MIGA2: variants seen among roughly 807,000 people sequenced by gnomAD.
MIGA2 encodes family with sequence similarity 73, member B.
MIGA2 carries 36 observed loss-of-function variants against 69.9 expected under a neutral mutation model. The observed-to-expected ratio is 0.52, with a 90% CI of 0.39 to 0.68. The LOEUF is 0.68. Among genes scored for constraint, MIGA2 ranks in the 30% least tolerant of loss-of-function variants. The pLI is 0.00. For missense variants in MIGA2, 660 were observed against 787.7 expected (o/e 0.84, Z 1.94); for synonymous variants, 333 against 349.2 (o/e 0.95, Z 0.52).
Position 129,040,560 on chromosome 9 carries a change from G to GC in MIGA2, c.-32dup, listed in dbSNP as rs1564598450. ...AAGACGTTCTCCTTGGAAGCTCTTG[G>GC]CCCTGAGGACTTTGCCTGGGGCATT... is the stretch of plus-strand genomic sequence containing the variant. On this transcript the variant is annotated 5_prime_UTR_variant, in exon 2 of 16. It removes the in-frame stop codon of an upstream open reading frame in the 5' UTR. Transcript: ENST00000684074. 6.3e-7 allele frequency: 1 copy of GC among 1,597,978 alleles called. No homozygotes were observed. The highest frequency in any genetic ancestry group is 8.6e-7 in the Non-Finnish European group (1 of 1,169,112).
chr9:129,055,041 G>A (rs976356178), intron 6 of MIGA2, among the ~76,000 whole-genome samples: 9 of 149,654 alleles, frequency 6.0e-5, no homozygotes, highest in Admixed American at 1.3e-4. Flanking sequence ...ACAGGCGCAC[G>A]TCACCACGCC....
chr9:129,068,280 C>T lies in MIGA2; in HGVS notation c.1352C>T (p.Ser451Leu), dbSNP rs774140804. The change falls in exon 13 of 16, where the codon TCG becomes TTG. Residue 451 changes from serine to leucine, a missense_variant. By Grantham distance (145) the Ser-to-Leu change is moderately radical. Coordinates refer to ENST00000684074, the MANE Select transcript of MIGA2 (RefSeq NM_001329990.2). The surrounding 1 kb of genome is among the most constrained non-coding windows in gnomAD (Gnocchi z 4.1). ...AFEDLENPPA[S>L]VLAVLRNRWL... ...GAGGACCTGGAGAACCCTCCGGCCT[C>T]GGTGCTCGCCGTCCTGCGGAACCGC... 5.6e-6 allele frequency: 9 copies of T among 1,612,136 alleles called. No homozygotes were observed. Among genetic ancestry groups the T allele is most frequent in the Non-Finnish European group, 7.6e-6 (9 of 1,179,698 alleles).
Position 129,040,532 on chromosome 9 carries a change from T to C in MIGA2, c.-63T>C. 1.9e-6 allele frequency: 3 copies of C among 1,556,170 alleles called. No homozygotes were observed. In the South Asian group the frequency reaches 3.6e-5, roughly 19 times the overall value. On this transcript the variant is annotated 5_prime_UTR_variant, in exon 2 of 16. Coordinates refer to ENST00000684074, the MANE Select transcript of MIGA2 (RefSeq NM_001329990.2). Reference sequence around the variant, plus strand: ...TGCCTGGGACCCAGCTGGCAACCAGTTGAAGACGTTCTCCTTGGAAGCTCT... The same window carrying C: ...TGCCTGGGACCCAGCTGGCAACCAGCTGAAGACGTTCTCCTTGGAAGCTCT...
chr9:129,062,039 CTT>C (rs530280541), intron 9 of MIGA2, among the ~76,000 whole-genome samples: 7 of 130,120 alleles, frequency 5.4e-5, no homozygotes, highest in South Asian at 2.5e-4. Flanking sequence ...GAGAACTTGA[CTT>C]TTTTTTTTTT....
chr9:129,063,517 T>C (rs1005169458), intron 10 of MIGA2, 28 bp from the exon 11 acceptor site: 5 of 1,612,592 alleles, frequency 3.1e-6, no homozygotes, highest in Middle Eastern at 1.7e-4. Context: ...GCCCGGCAGC[T>C]CACTCCCCTC....
In MIGA2 at chr9:129,059,953, A is replaced by T. The variant is rs3814495; in HGVS notation, c.794-597A>T. Among the ~76,000 whole-genome samples the T allele has an allele frequency of 4.6e-4, 70 of 152,128 alleles. 1 individual carries two copies. The East Asian group carries it at 0.011, about 24-fold the overall frequency. On this transcript the variant is annotated intron_variant, in intron 7 of 15. Coordinates refer to ENST00000684074, the MANE Select transcript of MIGA2 (RefSeq NM_001329990.2). The surrounding 1 kb of genome is among the most constrained non-coding windows in gnomAD (Gnocchi z 5.6). ...CTGGGTGTGGTTTCTCTGTTGGAGG[A>T]ATCTGCCTCCTCTGGCCTCCCTACA...
At chr9:129,063,749 C>A (rs573075362) in intron 11 of MIGA2, 118 bp downstream of exon 11, 13 of 913,098 alleles carry the variant, frequency 1.4e-5, no homozygotes, top group Non-Finnish European at 2.0e-5. Flanking sequence ...CCTCCTACTC[C>A]GTTCTGTAGA....
chr9:129,060,576 G>C lies in MIGA2; in HGVS notation c.820G>C (p.Glu274Gln), dbSNP rs1025159056. The C allele has an allele frequency of 1.2e-6, 2 of 1,604,478 alleles. No homozygotes were observed. The highest frequency in any genetic ancestry group is 2.7e-5 in the African/African-American group (2 of 74,774). The change falls in exon 8 of 16, where the codon GAG becomes CAG. Residue 274 changes from glutamate (E) to glutamine (Q), a missense_variant. Physicochemically the swap from Glu to Gln is conservative, Grantham distance 29 (BLOSUM62 2). Around this residue, in one of 3 missense-constraint regions of MIGA2, gnomAD observed 386 missense variants for 402.0 expected, o/e 0.96. Transcript: ENST00000684074. The surrounding 1 kb of genome is among the most constrained non-coding windows in gnomAD (Gnocchi z 4.8). Reference sequence around the variant, plus strand: ...GAGGACCCTCATGCTGCCCCTGACCGAGGGCTCGCTGCGGCTGCGGGCGGA... The same window carrying C: ...GAGGACCCTCATGCTGCCCCTGACCCAGGGCTCGCTGCGGCTGCGGGCGGA... Reference protein sequence around the residue: ...LERTLMLPLTEGSLRLRADDE... With the variant: ...LERTLMLPLTQGSLRLRADDE...
intron 1 of MIGA2, among the ~76,000 whole-genome samples, chr9:129,039,219 G>A (rs1030809971): frequency 2.8e-4 from 38 of 136,616 alleles, no homozygotes; most frequent in Non-Finnish European, 5.3e-4. Flanking sequence ...GTGTGTGTGT[G>A]TTTTATTTTA....
Position 129,068,070 on chromosome 9 carries a change from G to T in MIGA2, c.1270-128G>T. ...AGCTACACCCGTTGCACAGCAGAGC[G>T]GGAAAGACGTGTCCCCCCCACGTGT... On this transcript the variant is annotated intron_variant, in intron 12 of 15. Coordinates refer to ENST00000684074, the MANE Select transcript of MIGA2 (RefSeq NM_001329990.2). This position sits in a 1 kb window ranked among gnomAD's most constrained non-coding sequence, Gnocchi z 4.1. The T allele has an allele frequency of 7.1e-7, 1 of 1,405,206 alleles. No individual in the cohort carries two copies. Among genetic ancestry groups the T allele is most frequent in the South Asian group, 1.2e-5 (1 of 84,412 alleles). 87.0% of individuals were successfully genotyped at this position (1,405,206 alleles called of 1,614,324 possible). A position where few individuals can be genotyped will look rare whatever the true frequency, so the allele number is the denominator to read the frequency against.
At chr9:129,046,914 G>T (rs760385962) in intron 3 of MIGA2, among the ~76,000 whole-genome samples, 1 of 151,978 alleles carries the variant, frequency 6.6e-6, no homozygotes, top group Non-Finnish European at 1.5e-5. Flanking sequence ...AAGTAGCTGG[G>T]ATTACAGGCG....
intron 1 of MIGA2, chr9:129,036,991 C>G: frequency 1.0e-6 from 1 of 1,002,722 alleles, no homozygotes; most frequent in South Asian, 4.7e-5. Context: ...GCGTGCGGGC[C>G]GTGAGCGGCG....
chr9:129,070,353 G>A lies in MIGA2; in HGVS notation c.1682G>A (p.Ser561Asn), dbSNP rs1846610489. 1.2e-6 allele frequency: 2 copies of A among 1,612,886 alleles called. No individual in the cohort carries two copies. Among genetic ancestry groups the A allele is most frequent in the Non-Finnish European group, 1.7e-6 (2 of 1,179,972 alleles). Reference protein sequence around the residue: ...DDILQLSRRRSEILLGYLGVP... With the variant: ...DDILQLSRRRNEILLGYLGVP... ...ATCCTGCAGCTGTCCCGGCGCCGCA[G>A]CGAGATATTGCTGGGGTACCTGGGG... The change falls in exon 16 of 16, where the codon AGC becomes AAC. Residue 561 changes from serine (S) to asparagine (N), a missense_variant. Transcript: ENST00000684074.
Position 129,061,600 on chromosome 9 carries a change from C to T in MIGA2, c.1010+254C>T, listed in dbSNP as rs1304440781. ...AATTAATAAAGAACAATAGTTACTA[C>T]CAGTTCTAAATTCTGAGAGAGTGTA... On this transcript the variant is annotated intron_variant, in intron 9 of 15. Coordinates refer to ENST00000684074, the MANE Select transcript of MIGA2 (RefSeq NM_001329990.2). This position sits in a 1 kb window ranked among gnomAD's most constrained non-coding sequence, Gnocchi z 5.0. Among the ~76,000 whole-genome samples, 5 of 152,102 alleles carry T rather than the reference C, an allele frequency of 3.3e-5. No homozygotes were observed. The highest frequency in any genetic ancestry group is 7.4e-5 in the Non-Finnish European group (5 of 68,020).
Position 129,069,646 on chromosome 9 carries a change from A to G in MIGA2, c.1459-203A>G. The G allele has an allele frequency of 1.7e-6, 1 of 602,016 alleles. No homozygotes were observed. Among genetic ancestry groups the G allele is most frequent in the Non-Finnish European group, 3.0e-6 (1 of 334,208 alleles). The allele number at this position is 602,016 out of a possible 1,614,324, so 37.3% of individuals were successfully genotyped here. A position where few individuals can be genotyped will look rare whatever the true frequency, so the allele number is the denominator to read the frequency against. On this transcript the variant is annotated intron_variant, in intron 14 of 15. Coordinates refer to ENST00000684074, the MANE Select transcript of MIGA2 (RefSeq NM_001329990.2). The surrounding 1 kb of genome is among the most constrained non-coding windows in gnomAD (Gnocchi z 4.9). ...GAGCCACTATGGCCCCACCTCTTGCAGTACTCACAGCGGCCCATGGTTACC... is the reference window on the plus strand; with the variant it reads ...GAGCCACTATGGCCCCACCTCTTGCGGTACTCACAGCGGCCCATGGTTACC...
intron 11 of MIGA2, 24 bp downstream of exon 11, chr9:129,063,655 G>GGGGGGGA: frequency 1.5e-6 from 1 of 645,742 alleles, no homozygotes; most frequent in Non-Finnish European, 2.9e-6. Flanking sequence ...GGGTGGGGGG[G>GGGGGGGA]CAAATTATAA....
chr9:129,050,140 C>G (rs1468319131), intron 6 of MIGA2, among the ~76,000 whole-genome samples, 177 bp downstream of exon 6: 1 of 152,234 alleles, frequency 6.6e-6, no homozygotes, highest in African/African-American at 2.4e-5. Context: ...GCACAATGCC[C>G]GGCGCTTGGT....
intron 6 of MIGA2, among the ~76,000 whole-genome samples, chr9:129,052,351 A>T (rs891332328): frequency 1.5e-5 from 2 of 132,432 alleles, no homozygotes; most frequent in African/African-American, 5.8e-5. Flanking sequence ...TCGAACTCCT[A>T]ACTTCAAGTG....
chr9:129,038,293 T>C (rs537562039), intron 1 of MIGA2, among the ~76,000 whole-genome samples: 1 of 152,156 alleles, frequency 6.6e-6, no homozygotes, highest in Non-Finnish European at 1.5e-5. Flanking sequence ...TCCCACTCAC[T>C]GGGGAGAAGC....
Sources: gnomAD v4.1 joint callset for allele counts (sites outside exome capture counted in the v4.1 genomes callset) on GRCh38, gnomAD v4.1.1 for gene constraint, gnomAD v4.1.1 regional missense constraint, Gnocchi (gnomAD v3.1) non-coding constraint, MANE v1.5 for transcripts, NCBI Gene and HGNC (gene_info 2026-07-23, HGNC 2026-07-21) for gene names.